Variants in ENTPD1 observed in about 807,000 individuals in gnomAD.
ENTPD1 encodes the protein ectonucleoside triphosphate diphosphohydrolase 1.
A neutral mutation model predicts 57.0 loss-of-function variants in ENTPD1; 33 were observed. The observed-to-expected ratio is 0.58, with a 90% confidence interval of 0.44 to 0.77. ENTPD1 has a LOEUF of 0.77. ENTPD1 is among the 30% of genes least tolerant of loss of function. ENTPD1 has a pLI of 0.00. For missense variants in ENTPD1, 501 were observed against 603.4 expected (o/e 0.83, Z 1.78); for synonymous variants, 202 against 218.8 (o/e 0.92, Z 0.68).
At chr10:95,859,042 A>G (rs1182417759) in intron 7 of ENTPD1, among the ~76,000 whole-genome samples, 7 of 152,212 alleles carry the variant, frequency 4.6e-5, no homozygotes, top group African/African-American at 1.7e-4. Flanking sequence ...TGTTAGTATG[A>G]ACTCCTGTTG....
intron 1 of ENTPD1, 33 bp from the exon 2 acceptor site, chr10:95,823,204 G>T (rs1252101366): frequency 6.2e-7 from 1 of 1,612,946 alleles, no homozygotes; most frequent in Non-Finnish European, 8.5e-7. Flanking sequence ...TTGATTTCTT[G>T]TTGGTATTTT....
At chr10:95,814,053 C>A (rs892071213) in intron 1 of ENTPD1, among the ~76,000 whole-genome samples, 1 of 152,222 alleles carries the variant, frequency 6.6e-6, no homozygotes, top group South Asian at 2.1e-4. Context: ...GAAGAAGACT[C>A]GTTTAGTGGA....
intron 1 of ENTPD1, among the ~76,000 whole-genome samples, chr10:95,820,000 G>A (rs2098343556): frequency 6.6e-6 from 1 of 152,192 alleles, no homozygotes; most frequent in South Asian, 2.1e-4. Context: ...TGGCAGTCAT[G>A]GGATCTGAAA....
intron 1 of ENTPD1, among the ~76,000 whole-genome samples, chr10:95,780,294 TTAAG>T (rs1447963254): frequency 2.0e-5 from 3 of 152,126 alleles, no homozygotes; most frequent in Non-Finnish European, 2.9e-5. Flanking sequence ...TTGTGGCCCT[TTAAG>T]TAAGAATAAA....
rs557588142 is a variant in ENTPD1 at position 95,791,870 on chromosome 10, A to AT, written c.17-31358dup. On this transcript the variant is annotated intron_variant, in intron 1 of 9. Coordinates refer to ENST00000371205, the MANE Select transcript of ENTPD1 (RefSeq NM_001776.6). The surrounding 1 kb of genome is among the most constrained non-coding windows in gnomAD (Gnocchi z 4.1). ...CTCTAAGGATCCTTTCAACTTTGAG[A>AT]TTTTTTTTTGGTTTGAAAAAGAGAA... is the stretch of plus-strand genomic sequence containing the variant. Among the ~76,000 whole-genome samples the AT allele has an allele frequency of 2.4e-4, 36 of 151,668 alleles. No homozygotes were observed. The highest frequency in any genetic ancestry group is 1.7e-3 in the East Asian group (9 of 5,170).
intron 1 of ENTPD1, among the ~76,000 whole-genome samples, chr10:95,721,962 A>T (rs942975072): frequency 6.6e-6 from 1 of 152,220 alleles, no homozygotes; most frequent in African/African-American, 2.4e-5. Flanking sequence ...TGAGTTGTAG[A>T]GCTGGGCTGG....
chr10:95,817,318 G>A (rs1377359025), intron 1 of ENTPD1, among the ~76,000 whole-genome samples: 1 of 152,156 alleles, frequency 6.6e-6, no homozygotes, highest in South Asian at 2.1e-4. Context: ...ATGGAGCCAG[G>A]CTCTGTCCAC....
chr10:95,755,900 AG>A, upstream of ENTPD1: 1 of 1,512,198 alleles, frequency 6.6e-7, no homozygotes. Context: ...ATGAAGAGGG[AG>A]GGAGTAAGGG....
intron 1 of ENTPD1, among the ~76,000 whole-genome samples, chr10:95,760,149 T>A (rs1566113341): frequency 5.3e-5 from 8 of 152,114 alleles, no homozygotes; most frequent in Admixed American, 5.2e-4. Flanking sequence ...CTGGGCAACA[T>A]GATGAGACTT....
intron 1 of ENTPD1, among the ~76,000 whole-genome samples, chr10:95,792,509 G>T (rs1201064797): frequency 3.3e-5 from 5 of 152,210 alleles, no homozygotes; most frequent in African/African-American, 1.2e-4. Flanking sequence ...GAGATAGAAA[G>T]ATGGAAAGAT....
chr10:95,756,900 T>A (rs2098028468), intron 1 of ENTPD1, among the ~76,000 whole-genome samples: 1 of 152,116 alleles, frequency 6.6e-6, no homozygotes, highest in Non-Finnish European at 1.5e-5. Flanking sequence ...AAAGGGCAGG[T>A]CACATCTGAC....
intron 7 of ENTPD1, among the ~76,000 whole-genome samples, chr10:95,854,784 T>C (rs2098451582): frequency 6.6e-6 from 1 of 152,272 alleles, no homozygotes; most frequent in Non-Finnish European, 1.5e-5. Context: ...TTGATTGCAC[T>C]GTGGTCTGAG....
At chr10:95,743,162 T>C (rs867125464) in intron 1 of ENTPD1, among the ~76,000 whole-genome samples, 3 of 152,226 alleles carry the variant, frequency 2.0e-5, no homozygotes, top group Admixed American at 6.5e-5. Context: ...TTGATGACCG[T>C]AGCAGTTTTG....
intron 2 of ENTPD1, chr10:95,839,419 C>T: frequency 2.2e-6 from 1 of 457,848 alleles, no homozygotes. Context: ...TTAGAATCAC[C>T]TAAGAAGCTT....
At chr10:95,810,511 C>G (rs2098301227) in intron 1 of ENTPD1, among the ~76,000 whole-genome samples, 2 of 151,878 alleles carry the variant, frequency 1.3e-5, no homozygotes, top group South Asian at 4.1e-4. Flanking sequence ...CTCCTCACAT[C>G]CCAGATGGGG....
chr10:95,866,691 A>G lies in ENTPD1; in HGVS notation c.*308A>G. 1 of 1,211,780 alleles carries G rather than the reference A, an allele frequency of 8.3e-7. No individual in the cohort carries two copies. 75.1% of individuals were successfully genotyped at this position (1,211,780 alleles called of 1,614,324 possible). On this transcript the variant is annotated 3_prime_UTR_variant, in exon 10 of 10. Coordinates refer to ENST00000371205, the MANE Select transcript of ENTPD1 (RefSeq NM_001776.6). ...ATAATCTTTGCTTTATAAAAGAACA[A>G]TATTGACTTTGTCTAGAAGAACTGA...
At chr10:95,854,794 G>C (rs898108150) in intron 7 of ENTPD1, among the ~76,000 whole-genome samples, 25 of 152,308 alleles carry the variant, frequency 1.6e-4, no homozygotes, top group African/African-American at 4.6e-4. Flanking sequence ...TGTGGTCTGA[G>C]AGACAGTTTG....
chr10:95,852,868 G>T (rs566481311), intron 7 of ENTPD1, among the ~76,000 whole-genome samples: 1 of 152,206 alleles, frequency 6.6e-6, no homozygotes, highest in East Asian at 1.9e-4. Flanking sequence ...GTAGCGTGAT[G>T]CCTTCAGCTT....
intron 1 of ENTPD1, among the ~76,000 whole-genome samples, chr10:95,819,657 A>C (rs1019179398): frequency 2.0e-5 from 3 of 152,158 alleles, no homozygotes; most frequent in Non-Finnish European, 2.9e-5. Context: ...CTTCAGTTTT[A>C]TCTCTCTGTC....
Sources: allele counts gnomAD v4.1 joint callset (sites outside exome capture counted in the v4.1 genomes callset), GRCh38; gene constraint gnomAD v4.1.1; non-coding constraint Gnocchi (gnomAD v3.1); transcripts MANE v1.5; gene names NCBI Gene and HGNC (gene_info 2026-07-23, HGNC 2026-07-21).